SAMD5: variants seen among roughly 807,000 people sequenced by gnomAD.
SAMD5 encodes sterile alpha motif domain-containing protein 5.
SAMD5 carries 13 observed loss-of-function variants against 11.3 expected under a neutral mutation model. That is an observed-to-expected ratio of 1.15 (90% CI 0.75 to 1.83). The LOEUF is 1.83. Among genes scored for constraint, SAMD5 ranks in the 40% most tolerant of loss-of-function variants. The pLI is 0.00. For synonymous variants in SAMD5, 129 were observed against 111.3 expected (o/e 1.16, Z -1.00); for missense variants, 255 against 239.1 (o/e 1.07, Z -0.44).
chr6:147,709,304 C>T (rs1183247463), intron 1 of SAMD5, among the ~76,000 whole-genome samples: 1 of 152,186 alleles, frequency 6.6e-6, no homozygotes, highest in Non-Finnish European at 1.5e-5. Context: ...TCTCTAACTA[C>T]TCTGCCCTTC....
chr6:147,559,995 T>C (rs974124101), intron 1 of SAMD5, among the ~76,000 whole-genome samples: 2 of 152,236 alleles, frequency 1.3e-5, no homozygotes, highest in Non-Finnish European at 2.9e-5. Context: ...TATCATGTTT[T>C]CTTTATTGTG....
At chr6:147,599,493 T>A (rs1386005540) in intron 1 of SAMD5, among the ~76,000 whole-genome samples, 1 of 152,116 alleles carries the variant, frequency 6.6e-6, no homozygotes, top group East Asian at 1.9e-4. Flanking sequence ...GGAGGGAAAA[T>A]ATATTTTTAA....
At chr6:147,813,499 T>C in the SAMD5 span, among the ~76,000 whole-genome samples, 4 of 152,222 alleles carry the variant, frequency 2.6e-5, no homozygotes, top group Non-Finnish European at 1.5e-5. Flanking sequence ...TATGTATCTT[T>C]AAGATAAATA....
chr6:147,606,978 A>AAAAAAAAAAAAC (rs397708065), intron 1 of SAMD5, among the ~76,000 whole-genome samples: 1,540 of 147,786 alleles, frequency 0.01, 18 homozygotes, highest in African/African-American at 0.015. Flanking sequence ...AAAAAAAAAA[A>AAAAAAAAAAAAC]CAGAAAGAGA....
the SAMD5 span, among the ~76,000 whole-genome samples, chr6:147,894,474 C>A: frequency 6.6e-6 from 1 of 152,050 alleles, no homozygotes; most frequent in Non-Finnish European, 1.5e-5. Flanking sequence ...AAATAAGTTC[C>A]CAATCTGCCC....
chr6:147,908,217 A>C, the SAMD5 span, among the ~76,000 whole-genome samples: 1 of 152,194 alleles, frequency 6.6e-6, no homozygotes, highest in Non-Finnish European at 1.5e-5. Flanking sequence ...TGACTCTATT[A>C]TGGAACCTCT....
At chr6:147,852,960 C>T in the SAMD5 span, among the ~76,000 whole-genome samples, 3 of 152,112 alleles carry the variant, frequency 2.0e-5, no homozygotes, top group African/African-American at 4.8e-5. Context: ...TTAAAACATT[C>T]GATTTGTCAT....
intron 1 of SAMD5, among the ~76,000 whole-genome samples, chr6:147,676,537 A>G (rs1285962689): frequency 6.6e-6 from 1 of 152,162 alleles, no homozygotes; most frequent in Non-Finnish European, 1.5e-5. Flanking sequence ...CCTCTTGTAT[A>G]TTATTGATTT....
chr6:147,536,646 T>A (rs1355197008), intron 1 of SAMD5, among the ~76,000 whole-genome samples: 2 of 152,122 alleles, frequency 1.3e-5, no homozygotes, highest in Non-Finnish European at 2.9e-5. Context: ...ACAAAATATC[T>A]GTGGATGACA....
At chr6:147,585,399 A>G (rs943550432) in intron 1 of SAMD5, among the ~76,000 whole-genome samples, 2 of 152,132 alleles carry the variant, frequency 1.3e-5, no homozygotes, top group Admixed American at 6.5e-5. Flanking sequence ...CCCCAAAGTC[A>G]ATAACTGATC....
At chr6:147,816,405 G>C in the SAMD5 span, among the ~76,000 whole-genome samples, 4 of 141,338 alleles carry the variant, frequency 2.8e-5, no homozygotes, top group South Asian at 6.7e-4. Flanking sequence ...TAAATTACTG[G>C]ATCAGAGTAT....
chr6:147,586,390 T>A (rs1397108400), intron 1 of SAMD5, among the ~76,000 whole-genome samples: 1 of 152,088 alleles, frequency 6.6e-6, no homozygotes, highest in Non-Finnish European at 1.5e-5. Context: ...TACCAAGTCT[T>A]ACGAAATTTT....
intron 1 of SAMD5, among the ~76,000 whole-genome samples, chr6:147,635,046 T>C (rs1409648460): frequency 6.6e-6 from 1 of 152,284 alleles, no homozygotes; most frequent in East Asian, 1.9e-4. Flanking sequence ...AGCCAAAATG[T>C]TAAGAGTACC....
chr6:147,532,615 T>C (rs1788446695), intron 1 of SAMD5, among the ~76,000 whole-genome samples: 1 of 152,232 alleles, frequency 6.6e-6, no homozygotes, highest in Admixed American at 6.5e-5. Flanking sequence ...GTCTTTTTCA[T>C]ATAAAGACTT....
chr6:147,626,067 A>C (rs2128450791), intron 1 of SAMD5, among the ~76,000 whole-genome samples: 1 of 152,196 alleles, frequency 6.6e-6, no homozygotes, highest in Middle Eastern at 3.4e-3. Context: ...GGGTATAGGA[A>C]AAGCTTTTGC....
chr6:147,803,682 G>T, the SAMD5 span, among the ~76,000 whole-genome samples: 1 of 152,158 alleles, frequency 6.6e-6, no homozygotes, highest in Non-Finnish European at 1.5e-5. Context: ...CAAGACATTT[G>T]ACCCATCTGT....
chr6:147,527,365 A>C (rs1360731728), intron 1 of SAMD5, among the ~76,000 whole-genome samples: 2 of 152,172 alleles, frequency 1.3e-5, no homozygotes, highest in Admixed American at 6.5e-5. Context: ...CAGGAGGAAC[A>C]GAGAGCAAGG....
At chr6:147,731,698 C>G (rs1791717323) in intron 1 of SAMD5, among the ~76,000 whole-genome samples, 1 of 149,926 alleles carries the variant, frequency 6.7e-6, no homozygotes, top group African/African-American at 2.5e-5. Context: ...CCCTCCCTCC[C>G]TCCCTCCTTT....
rs149484636 is a variant in SAMD5 at position 147,706,606 on chromosome 6, C to T, written c.163-30711C>T. Among the ~76,000 whole-genome samples, 366 of 152,220 alleles carry T rather than the reference C, an allele frequency of 2.4e-3. 6 individuals are homozygous for T. The highest frequency in any genetic ancestry group is 8.1e-3 in the African/African-American group (336 of 41,520). ...AACACAGGTTTGAACTGTGAGAGTC[C>T]ACTTATTCTAAACATGGATTGAAAA... On this transcript the variant is annotated intron_variant, in intron 1 of 1. Coordinates refer to the SAMD5 transcript ENST00000566741.
Sources: gnomAD v4.1 joint callset for allele counts (sites outside exome capture counted in the v4.1 genomes callset) on GRCh38, gnomAD v4.1.1 for gene constraint, MANE v1.5 for transcripts, NCBI Gene and HGNC (gene_info 2026-07-23, HGNC 2026-07-21) for gene names.